ANKRD62: variants seen among roughly 807,000 people sequenced by gnomAD.
The protein encoded by ANKRD62 is ankyrin repeat domain-containing protein 62.
In ANKRD62, 61 loss-of-function variants were observed where a neutral mutation model predicts 98.8. That is an observed-to-expected ratio of 0.62 (90% confidence interval 0.50 to 0.76). ANKRD62 has a LOEUF of 0.76. Ranked by LOEUF, ANKRD62 falls within the 30% of genes least tolerant of loss-of-function variation. The pLI, the probability that ANKRD62 is intolerant of heterozygous loss-of-function variation, is 0.00. For synonymous variants in ANKRD62, 341 were observed against 367.9 expected, an observed-to-expected ratio of 0.93 and a Z score of 0.84; for missense variants, 933 against 1,082.9, an observed-to-expected ratio of 0.86 and a Z score of 1.94.
chr18:12,097,754 C>G lies in ANKRD62; in HGVS notation c.729C>G (p.Tyr243Ter). ...TATCTGGATGGACTGCAGAAGACTA[C>G]GCTGTTGCTTCTAAGTTTCAAGCGT... ...QDISGWTAED[Y>*]AVASKFQAIR... The change falls in exon 5 of 14, where the codon TAC becomes TAG. Residue 243 changes from tyrosine to a stop codon, truncating the protein, a stop_gained. Coordinates refer to ENST00000587848, the MANE Select transcript of ANKRD62 (RefSeq NM_001277333.2). LOFTEE classifies it high-confidence loss of function. 6.5e-7 allele frequency: 1 copy of G among 1,535,582 alleles called. No homozygotes were observed.
intron 4 of ANKRD62, 135 bp from the exon 5 acceptor site, chr18:12,097,505 T>C: frequency 4.2e-6 from 4 of 951,120 alleles, no homozygotes; most frequent in South Asian, 4.1e-5. Flanking sequence ...GCACCCAAGA[T>C]GTTTGTGTTT....
the ANKRD62 span, among the ~76,000 whole-genome samples, chr18:12,151,710 A>G: frequency 2.0e-5 from 3 of 152,146 alleles, no homozygotes; most frequent in Non-Finnish European, 4.4e-5. Flanking sequence ...GAAATAACCA[A>G]CGTCAGAGCT....
chr18:12,176,516 TTCAGTAAAGTTCA>T, the ANKRD62 span, among the ~76,000 whole-genome samples: 15 of 126,682 alleles, frequency 1.2e-4, 1 homozygote, highest in African/African-American at 3.6e-4. Flanking sequence ...TTTTTGAAAG[TTCAGTAAAGTTCA>T]ACTTTCCGAG....
downstream of ANKRD62, among the ~76,000 whole-genome samples, chr18:12,134,497 T>G (rs955214085): frequency 6.6e-6 from 1 of 152,108 alleles, no homozygotes; most frequent in Non-Finnish European, 1.5e-5. Context: ...TTACATTAGG[T>G]ATATCTCCTA....
chr18:12,153,021 G>A, the ANKRD62 span, among the ~76,000 whole-genome samples: 69 of 152,270 alleles, frequency 4.5e-4, no homozygotes, highest in South Asian at 0.014. Context: ...CAACAGTCAA[G>A]ATGAGAACGA....
At chr18:12,165,576 A>G in the ANKRD62 span, among the ~76,000 whole-genome samples, 2 of 152,034 alleles carry the variant, frequency 1.3e-5, no homozygotes, top group African/African-American at 2.4e-5. Context: ...TTAACTTTTT[A>G]TTGCCTCTCT....
chr18:12,140,133 T>C, the ANKRD62 span, among the ~76,000 whole-genome samples: 1 of 152,244 alleles, frequency 6.6e-6, no homozygotes, highest in Non-Finnish European at 1.5e-5. Context: ...TTCCAGTTGA[T>C]TGCATCGGTT....
At chr18:12,140,998 C>T in the ANKRD62 span, among the ~76,000 whole-genome samples, 2 of 152,212 alleles carry the variant, frequency 1.3e-5, no homozygotes, top group African/African-American at 4.8e-5. Flanking sequence ...GTGGTGGGCT[C>T]CACCCAGTTC....
the ANKRD62 span, among the ~76,000 whole-genome samples, chr18:12,136,406 TCTGTTTTGGTACCAGTACCATG>T: frequency 6.6e-6 from 1 of 152,200 alleles, no homozygotes; most frequent in Non-Finnish European, 1.5e-5. Flanking sequence ...GGTCTATATC[TCTGTTTTGGTACCAGTACCATG>T]CTGTTTTGGT....
At chr18:12,100,613 C>G (rs1909279507) in intron 6 of ANKRD62, among the ~76,000 whole-genome samples, 1 of 152,102 alleles carries the variant, frequency 6.6e-6, no homozygotes, top group Non-Finnish European at 1.5e-5. Context: ...TGTACCAATA[C>G]CAATAGGATG....
the ANKRD62 span, among the ~76,000 whole-genome samples, chr18:12,165,516 C>T: frequency 6.6e-6 from 1 of 151,888 alleles, no homozygotes; most frequent in Admixed American, 6.6e-5. Flanking sequence ...TAAACAAACA[C>T]ACAAAAAAAC....
At chr18:12,110,880 A>G (rs1909522852) in intron 8 of ANKRD62, among the ~76,000 whole-genome samples, 1 of 152,190 alleles carries the variant, frequency 6.6e-6, no homozygotes, top group South Asian at 2.1e-4. Flanking sequence ...TAGTTGTGAC[A>G]TTAGGTTGTG....
intron 6 of ANKRD62, 77 bp downstream of exon 6, chr18:12,099,759 C>A: frequency 1.4e-6 from 1 of 740,552 alleles, no homozygotes; most frequent in Non-Finnish European, 1.9e-6. Flanking sequence ...GTTTTGATCA[C>A]AAAACAGCAG....
chr18:12,175,996 A>G, the ANKRD62 span, among the ~76,000 whole-genome samples: 2 of 151,762 alleles, frequency 1.3e-5, no homozygotes, highest in African/African-American at 2.4e-5. Flanking sequence ...GTTCAAGACT[A>G]GCCAGGCCAA....
At position 12,115,540 on chromosome 18, in the gene ANKRD62, A is replaced by T. The variant is rs897215433; in HGVS notation, c.1240+6A>T. On this transcript the variant is annotated splice_donor_region_variant and intron_variant, in intron 10 of 13. Coordinates refer to ENST00000587848, the MANE Select transcript of ANKRD62 (RefSeq NM_001277333.2). ...AAGTGGAATGGAGTGTAAAGGTAGG[A>T]CCAATGCATAAATATAAGGCTCTTT... is the stretch of plus-strand genomic sequence containing the variant. 22 of 1,532,020 alleles carry T rather than the reference A, an allele frequency of 1.4e-5. No individual in the cohort carries two copies. Among genetic ancestry groups the T allele is most frequent in the Non-Finnish European group, 1.9e-5 (22 of 1,143,786 alleles). 94.9% of individuals were successfully genotyped at this position (1,532,020 alleles called of 1,614,324 possible). A position where few individuals can be genotyped will look rare whatever the true frequency, so the allele number is the denominator to read the frequency against.
chr18:12,109,561 A>T (rs1909489880), intron 8 of ANKRD62, among the ~76,000 whole-genome samples: 1 of 152,248 alleles, frequency 6.6e-6, no homozygotes, highest in Non-Finnish European at 1.5e-5. Flanking sequence ...CTTTGTTACC[A>T]ACATAATCGT....
At chr18:12,116,267 C>T (rs1909662240) in intron 10 of ANKRD62, among the ~76,000 whole-genome samples, 1 of 151,958 alleles carries the variant, frequency 6.6e-6, no homozygotes, top group South Asian at 2.1e-4. Context: ...AAATTGTTTT[C>T]AAAAAAAGTG....
At position 12,126,199 on chromosome 18, in the gene ANKRD62, C is replaced by T. The variant is rs572757851; in HGVS notation, c.2378C>T (p.Ala793Val). ...TTGTATCAACAGCAGTGTAATGATGCTCGCAAGAAAGCTGACAATCAGGAG... is the reference window on the plus strand; with the variant it reads ...TTGTATCAACAGCAGTGTAATGATGTTCGCAAGAAAGCTGACAATCAGGAG... Reference protein sequence around the residue: ...NLLYQQQCNDARKKADNQEKT... With the variant: ...NLLYQQQCNDVRKKADNQEKT... The change falls in exon 13 of 14, where the codon GCT (alanine) becomes GTT (valine). Residue 793 changes from alanine to valine, a missense_variant. Coordinates refer to ENST00000587848, the MANE Select transcript of ANKRD62 (RefSeq NM_001277333.2). The T allele has an allele frequency of 3.6e-5, 55 of 1,536,032 alleles. No individual in the cohort carries two copies. The highest frequency in any genetic ancestry group is 1.5e-4 in the East Asian group (6 of 40,908).
chr18:12,138,564 A>C, the ANKRD62 span, among the ~76,000 whole-genome samples: 1 of 152,094 alleles, frequency 6.6e-6, no homozygotes, highest in Non-Finnish European at 1.5e-5. Flanking sequence ...TATTAGGTCC[A>C]CTTGGTGCAG....
Sources: gnomAD v4.1 joint callset for allele counts (sites outside exome capture counted in the v4.1 genomes callset) on GRCh38, gnomAD v4.1.1 for gene constraint, MANE v1.5 for transcripts, NCBI Gene and HGNC (gene_info 2026-07-23, HGNC 2026-07-21) for gene names.